The following PCDH9 variants were observed in gnomAD, a reference collection of about 807,000 sequenced individuals.
The protein encoded by PCDH9 is protocadherin-9.
PCDH9 carries 24 observed loss-of-function variants against 70.6 expected under a neutral mutation model. The observed-to-expected ratio is 0.34, with a 90% CI of 0.25 to 0.48. The LOEUF is 0.48. PCDH9 is among the 20% of genes least tolerant of loss of function. PCDH9 has a pLI of 0.99. For missense variants in PCDH9, 1,281 were observed against 1,503.6 expected (o/e 0.85, Z 2.45); for synonymous variants, 562 against 558.5 (o/e 1.01, Z -0.09).
At chr13:66,477,226 C>G (rs1164877028) in intron 4 of PCDH9, among the ~76,000 whole-genome samples, 8 of 152,098 alleles carry the variant, frequency 5.3e-5, no homozygotes, top group African/African-American at 1.9e-4. Context: ...CCTGAAGGGT[C>G]TGGATGCCAC....
At chr13:66,371,772 A>G (rs915877221) in intron 4 of PCDH9, among the ~76,000 whole-genome samples, 1 of 152,022 alleles carries the variant, frequency 6.6e-6, no homozygotes, top group East Asian at 1.9e-4. Context: ...ATGAAACACT[A>G]CTTTTGATAA....
chr13:66,761,763 T>A (rs946096771), intron 3 of PCDH9, among the ~76,000 whole-genome samples: 1 of 152,186 alleles, frequency 6.6e-6, no homozygotes, highest in Non-Finnish European at 1.5e-5. Context: ...CGGATAACAT[T>A]GTTTTTCTCA....
intron 3 of PCDH9, among the ~76,000 whole-genome samples, chr13:66,701,278 T>TAC (rs199590242): frequency 0.028 from 4,247 of 151,602 alleles, 93 homozygotes; most frequent in Middle Eastern, 0.038. Flanking sequence ...TATATATATA[T>TAC]ACACACACAC....
intron 2 of PCDH9, among the ~76,000 whole-genome samples, chr13:67,074,194 C>T (rs893127809): frequency 3.3e-5 from 5 of 151,988 alleles, no homozygotes; most frequent in African/African-American, 1.2e-4. Flanking sequence ...AATTCTTCCT[C>T]AAGGTAATGG....
intron 3 of PCDH9, among the ~76,000 whole-genome samples, chr13:66,766,241 C>T (rs2079715621): frequency 6.6e-6 from 1 of 151,694 alleles, no homozygotes; most frequent in South Asian, 2.1e-4. Context: ...GAGTAGACAG[C>T]AGTAGTCAGT....
chr13:66,734,590 T>C (rs1202111623), intron 3 of PCDH9, among the ~76,000 whole-genome samples: 1 of 152,174 alleles, frequency 6.6e-6, no homozygotes, highest in East Asian at 1.9e-4. Context: ...GTGTCAAGCT[T>C]CCAGCACATT....
chr13:67,152,655 C>T (rs1250183902), intron 2 of PCDH9, among the ~76,000 whole-genome samples: 5 of 152,142 alleles, frequency 3.3e-5, no homozygotes, highest in African/African-American at 4.8e-5. Context: ...GATGTCTCAT[C>T]CTTATATTCT....
chr13:66,500,840 T>A (rs2138558797), intron 4 of PCDH9, among the ~76,000 whole-genome samples: 1 of 152,262 alleles, frequency 6.6e-6, no homozygotes, highest in South Asian at 2.1e-4. Flanking sequence ...AATGCCATCA[T>A]TTCCATTACA....
At chr13:66,894,955 G>A (rs2082152690) in intron 3 of PCDH9, among the ~76,000 whole-genome samples, 3 of 152,012 alleles carry the variant, frequency 2.0e-5, no homozygotes, top group Admixed American at 6.6e-5. Context: ...TTACAGGCAT[G>A]TACCACCATG....
chr13:66,976,415 T>A (rs1440334225), intron 2 of PCDH9, among the ~76,000 whole-genome samples: 1 of 152,140 alleles, frequency 6.6e-6, no homozygotes, highest in Non-Finnish European at 1.5e-5. Context: ...TTGAGGATTA[T>A]CTGAGCCCTT....
At chr13:67,127,081 A>G (rs1412833495) in intron 2 of PCDH9, among the ~76,000 whole-genome samples, 1 of 152,180 alleles carries the variant, frequency 6.6e-6, no homozygotes, top group Non-Finnish European at 1.5e-5. Context: ...TGGTTGCCCC[A>G]TGATGGTTCC....
At chr13:66,485,724 A>G (rs1341592195) in intron 4 of PCDH9, among the ~76,000 whole-genome samples, 1 of 151,846 alleles carries the variant, frequency 6.6e-6, no homozygotes, top group Non-Finnish European at 1.5e-5. Context: ...TTATTTATTC[A>G]TTTATTTATT....
chr13:66,589,850 C>T (rs535827400), intron 4 of PCDH9, among the ~76,000 whole-genome samples: 1 of 152,102 alleles, frequency 6.6e-6, no homozygotes, highest in Admixed American at 6.6e-5. Flanking sequence ...AATGAAATAA[C>T]TTTATATCTG....
intron 2 of PCDH9, among the ~76,000 whole-genome samples, chr13:66,979,647 TTC>T (rs949461491): frequency 2.0e-5 from 3 of 152,076 alleles, no homozygotes; most frequent in African/African-American, 7.2e-5. Context: ...GATCTCTACT[TTC>T]TCTTCTCTCA....
intron 2 of PCDH9, among the ~76,000 whole-genome samples, chr13:67,075,421 C>A (rs984349117): frequency 3.9e-5 from 6 of 152,026 alleles, no homozygotes; most frequent in African/African-American, 9.7e-5. Flanking sequence ...TATTAATGCT[C>A]ACTAGGTGGG....
intron 4 of PCDH9, among the ~76,000 whole-genome samples, chr13:66,588,900 T>G (rs1273114335): frequency 6.6e-6 from 1 of 151,300 alleles, no homozygotes; most frequent in East Asian, 1.9e-4. Flanking sequence ...TTTTTAAAAA[T>G]TTCATTTTTT....
intron 4 of PCDH9, among the ~76,000 whole-genome samples, chr13:66,580,449 A>G (rs1156618766): frequency 6.6e-6 from 1 of 151,944 alleles, no homozygotes; most frequent in East Asian, 2.0e-4. Flanking sequence ...GCATAAATGC[A>G]TGTGTAGAAA....
intron 4 of PCDH9, among the ~76,000 whole-genome samples, chr13:66,607,410 C>G (rs1177927978): frequency 6.6e-6 from 1 of 152,034 alleles, no homozygotes; most frequent in Admixed American, 6.6e-5. Flanking sequence ...TATGTAGTGA[C>G]TTCTACTTTT....
intron 4 of PCDH9, among the ~76,000 whole-genome samples, chr13:66,625,057 T>A (rs1593797505): frequency 1.3e-5 from 2 of 150,940 alleles, no homozygotes; most frequent in African/African-American, 4.8e-5. Context: ...TATTATTATT[T>A]TGATAGAGTA....
Sources: gnomAD v4.1 joint callset for allele counts (sites outside exome capture counted in the v4.1 genomes callset) on GRCh38, gnomAD v4.1.1 for gene constraint, MANE v1.5 for transcripts, NCBI Gene and HGNC (gene_info 2026-07-23, HGNC 2026-07-21) for gene names.